The following VTA1 variants were observed in gnomAD, a reference collection of about 807,000 sequenced individuals.
The protein encoded by VTA1 is vesicle trafficking 1.
A neutral mutation model predicts 36.9 loss-of-function variants in VTA1; 24 were observed. That is an observed-to-expected ratio of 0.65 (90% CI 0.47 to 0.91). The LOEUF (loss-of-function observed/expected upper bound fraction) is 0.91. Among genes scored for constraint, VTA1 ranks in the 40% least tolerant of loss-of-function variants. The pLI is 0.00. For synonymous variants in VTA1, 142 were observed against 130.2 expected (o/e 1.09, Z -0.62); for missense variants, 393 against 377.2 (o/e 1.04, Z -0.35).
chr6:142,188,114 G>A (rs1246848436), intron 4 of VTA1, among the ~76,000 whole-genome samples: 1 of 150,650 alleles, frequency 6.6e-6, no homozygotes, highest in Non-Finnish European at 1.5e-5. Flanking sequence ...TCACCATATT[G>A]GCCAGGCTGG....
chr6:142,186,999 A>G (rs913146186), intron 4 of VTA1, among the ~76,000 whole-genome samples: 3 of 152,052 alleles, frequency 2.0e-5, no homozygotes, highest in Non-Finnish European at 4.4e-5. Flanking sequence ...AACTGCCTCT[A>G]TTCATTCAGC....
Position 142,189,414 on chromosome 6 carries a change from GCT to G in VTA1, c.412-7_412-6del. On this transcript the variant is annotated splice_polypyrimidine_tract_variant and intron_variant, in intron 4 of 7. Coordinates refer to ENST00000367630, the MANE Select transcript of VTA1 (RefSeq NM_016485.5). ...CATAGTCCAATGTTGATATAAAAATGCTCTCTTTTAGAATGTGAAACACAGGA... is the reference window on the plus strand; with the variant it reads ...CATAGTCCAATGTTGATATAAAAATGCTCTTTTAGAATGTGAAACACAGGA... 6.3e-7 allele frequency: 1 copy of G among 1,594,744 alleles called. No individual in the cohort carries two copies. Among genetic ancestry groups the G allele is most frequent in the Non-Finnish European group, 8.6e-7 (1 of 1,164,224 alleles).
intron 4 of VTA1, among the ~76,000 whole-genome samples, chr6:142,186,017 A>G (rs1302821960): frequency 6.6e-6 from 1 of 152,184 alleles, no homozygotes; most frequent in Non-Finnish European, 1.5e-5. Context: ...CAGCATCCTT[A>G]TATAATTATA....
chr6:142,148,860 C>T (rs952915690), intron 1 of VTA1, among the ~76,000 whole-genome samples: 27 of 152,090 alleles, frequency 1.8e-4, no homozygotes, highest in Middle Eastern at 3.4e-3. Flanking sequence ...TATAAAAGTC[C>T]CGAAGTAGAG....
In VTA1 at chr6:142,214,217, T is replaced by C. The variant is rs113236584; in HGVS notation, c.779-4281T>C. 1.1e-3 allele frequency among the ~76,000 whole-genome samples: 168 copies of C among 152,342 alleles called. 1 individual carries two copies. Among genetic ancestry groups the C allele is most frequent in the African/African-American group, 2.9e-3 (122 of 41,578 alleles). On this transcript the variant is annotated intron_variant, in intron 7 of 7. Transcript: ENST00000367630. ...TCTCAATTTCAAAATTCCACAGATCTCTAGGGCAGGGGCAAAATGCCTCCA... is the reference window on the plus strand; with the variant it reads ...TCTCAATTTCAAAATTCCACAGATCCCTAGGGCAGGGGCAAAATGCCTCCA...
chr6:142,156,726 T>C (rs933051752), intron 1 of VTA1, among the ~76,000 whole-genome samples: 1 of 152,158 alleles, frequency 6.6e-6, no homozygotes, highest in Non-Finnish European at 1.5e-5. Flanking sequence ...CATCAGAAAA[T>C]TAAATACAGT....
intron 7 of VTA1, 76 bp downstream of exon 7, chr6:142,204,141 G>A: frequency 8.1e-7 from 1 of 1,241,818 alleles, no homozygotes; most frequent in Non-Finnish European, 1.2e-6. Flanking sequence ...TACCTTGACA[G>A]TACCATATAT....
At chr6:142,167,750 C>T (rs1288862993) in intron 2 of VTA1, among the ~76,000 whole-genome samples, 1 of 152,174 alleles carries the variant, frequency 6.6e-6, no homozygotes, top group Non-Finnish European at 1.5e-5. Flanking sequence ...TTCAGCTGTT[C>T]TGGAGCCTAT....
chr6:142,198,048 G>A (rs1467149967), intron 5 of VTA1, among the ~76,000 whole-genome samples: 1 of 150,794 alleles, frequency 6.6e-6, no homozygotes, highest in African/African-American at 2.4e-5. Context: ...CGTGAGCTGA[G>A]ATCACGCCAC....
chr6:142,149,354 C>T (rs1436684279), intron 1 of VTA1, among the ~76,000 whole-genome samples: 1 of 152,056 alleles, frequency 6.6e-6, no homozygotes, highest in East Asian at 1.9e-4. Context: ...AATGTGCAGA[C>T]AGTTTAAGGA....
chr6:142,197,954 G>T (rs973966152), intron 5 of VTA1, among the ~76,000 whole-genome samples: 1 of 150,814 alleles, frequency 6.6e-6, no homozygotes, highest in Non-Finnish European at 1.5e-5. Flanking sequence ...CAAACTAGCC[G>T]GGAGTGGTGG....
intron 1 of VTA1, among the ~76,000 whole-genome samples, chr6:142,148,113 A>G (rs184424966): frequency 5.3e-5 from 8 of 152,322 alleles, no homozygotes; most frequent in Admixed American, 6.5e-5. Flanking sequence ...TTCTGTGTTA[A>G]CTTTATTTTG....
chr6:142,169,718 T>C, intron 3 of VTA1, 41 bp downstream of exon 3: 1 of 1,469,356 alleles, frequency 6.8e-7, no homozygotes, highest in Non-Finnish European at 9.0e-7. Flanking sequence ...ATTAATTTTG[T>C]AACTGTATAA....
intron 1 of VTA1, among the ~76,000 whole-genome samples, chr6:142,153,080 C>T (rs76092921): frequency 6.6e-6 from 1 of 152,176 alleles, no homozygotes; most frequent in East Asian, 1.9e-4. Context: ...GTTTATCTTT[C>T]AATCTTGATT....
intron 4 of VTA1, among the ~76,000 whole-genome samples, chr6:142,189,194 T>TG (rs1562264306): frequency 6.6e-6 from 1 of 152,226 alleles, no homozygotes; most frequent in African/African-American, 2.4e-5. Flanking sequence ...AAATGTTATA[T>TG]GATAAAAGAG....
At chr6:142,174,845 T>C (rs900297482) in intron 4 of VTA1, among the ~76,000 whole-genome samples, 1 of 152,184 alleles carries the variant, frequency 6.6e-6, no homozygotes, top group African/African-American at 2.4e-5. Flanking sequence ...TCTCTCTTGC[T>C]GCCTCTCCTG....
chr6:142,175,320 C>T (rs971115066), intron 4 of VTA1, among the ~76,000 whole-genome samples: 2 of 151,850 alleles, frequency 1.3e-5, no homozygotes, highest in African/African-American at 2.4e-5. Flanking sequence ...TGTCATGCTC[C>T]GTACTCTGCT....
chr6:142,183,349 T>G (rs985598601), intron 4 of VTA1, among the ~76,000 whole-genome samples: 3 of 152,152 alleles, frequency 2.0e-5, no homozygotes, highest in Admixed American at 2.0e-4. Flanking sequence ...TTATATCAAA[T>G]TTTTCATAGC....
At chr6:142,204,629 A>C (rs1188357522) in intron 7 of VTA1, among the ~76,000 whole-genome samples, 1 of 150,038 alleles carries the variant, frequency 6.7e-6, no homozygotes, top group Non-Finnish European at 1.5e-5. Flanking sequence ...TGTTTTCTTC[A>C]TATGTCAGAT....
Sources: allele counts gnomAD v4.1 joint callset (sites outside exome capture counted in the v4.1 genomes callset), GRCh38; gene constraint gnomAD v4.1.1; transcripts MANE v1.5; gene names NCBI Gene and HGNC (gene_info 2026-07-23, HGNC 2026-07-21).